TMEM132D: variants seen among roughly 807,000 people sequenced by gnomAD.
The protein encoded by TMEM132D is transmembrane protein 132D, also known as mature OL transmembrane protein.
TMEM132D carries 21 observed loss-of-function variants against 62.3 expected under a neutral mutation model. The observed-to-expected ratio is 0.34, with a 90% CI of 0.24 to 0.49. The LOEUF (loss-of-function observed/expected upper bound fraction) is 0.49. Ranked by LOEUF, TMEM132D falls within the 20% of genes least tolerant of loss-of-function variation. TMEM132D has a pLI of 0.99. For missense variants in TMEM132D, 1,346 were observed against 1,402.8 expected, an observed-to-expected ratio of 0.96 and a Z score of 0.65; for synonymous variants, 621 against 575.6, an observed-to-expected ratio of 1.08 and a Z score of -1.13.
At chr12:129,661,681 A>G (rs1250836611) in intron 2 of TMEM132D, among the ~76,000 whole-genome samples, 1 of 152,226 alleles carries the variant, frequency 6.6e-6, no homozygotes, top group African/African-American at 2.4e-5. Context: ...GTGGTAATAT[A>G]TATCTCCACC....
At chr12:129,185,761 A>ATCTGTCTGTCTGTCTGTCTG (rs11271238) in intron 5 of TMEM132D, among the ~76,000 whole-genome samples, 2,433 of 140,746 alleles carry the variant, frequency 0.017, 32 homozygotes, top group South Asian at 0.024. Flanking sequence ...TTTATCCATC[A>ATCTGTCTGTCTGTCTGTCTG]TCTGTCTGTC....
At chr12:129,651,204 C>G (rs1879919026) in intron 2 of TMEM132D, among the ~76,000 whole-genome samples, 1 of 152,164 alleles carries the variant, frequency 6.6e-6, no homozygotes, top group Non-Finnish European at 1.5e-5. Context: ...TCCAGCAAAG[C>G]ACAACCATGA....
At chr12:129,402,810 G>T (rs900611173) in intron 3 of TMEM132D, among the ~76,000 whole-genome samples, 8 of 152,074 alleles carry the variant, frequency 5.3e-5, no homozygotes, top group Admixed American at 2.0e-4. Context: ...CAATGGAAGA[G>T]CTTGTGTGAG....
chr12:129,152,955 C>T (rs1301623265), intron 5 of TMEM132D, among the ~76,000 whole-genome samples: 2 of 152,132 alleles, frequency 1.3e-5, no homozygotes, highest in African/African-American at 2.4e-5. Flanking sequence ...GAGTCCTTCC[C>T]ATCCCTCCAG....
chr12:129,609,370 A>G (rs1366955748), intron 2 of TMEM132D, among the ~76,000 whole-genome samples: 1 of 152,162 alleles, frequency 6.6e-6, no homozygotes, highest in African/African-American at 2.4e-5. Flanking sequence ...CCCTTCTTAG[A>G]GTAGGACATA....
intron 3 of TMEM132D, among the ~76,000 whole-genome samples, chr12:129,510,741 T>C (rs80354123): frequency 0.11 from 16,783 of 152,180 alleles, 1,247 homozygotes; most frequent in African/African-American, 0.21. Context: ...CTCCCTGTAG[T>C]TGTATTCCAG....
At chr12:129,611,249 C>T (rs566740579) in intron 2 of TMEM132D, among the ~76,000 whole-genome samples, 4 of 152,190 alleles carry the variant, frequency 2.6e-5, no homozygotes, top group African/African-American at 7.2e-5. Context: ...TTTAAGAAAA[C>T]GAAGACATGG....
rs185449742 is a variant in TMEM132D at position 129,239,373 on chromosome 12, C to T, written c.1300-29710G>A. On this transcript the variant is annotated intron_variant, in intron 4 of 8. Coordinates refer to ENST00000422113, the MANE Select transcript of TMEM132D (RefSeq NM_133448.3). ...ACATTTAGGTCTTTAATCTAGGTTG[C>T]GTTAAATTTGTAGATGGTGTAAGGT... 2.0e-3 allele frequency among the ~76,000 whole-genome samples: 310 copies of T among 152,142 alleles called. 1 individual carries two copies. Among genetic ancestry groups the T allele is most frequent in the African/African-American group, 5.9e-3 (243 of 41,518 alleles).
intron 3 of TMEM132D, among the ~76,000 whole-genome samples, chr12:129,396,139 A>G (rs1314325848): frequency 6.7e-6 from 1 of 148,988 alleles, no homozygotes; most frequent in Non-Finnish European, 1.5e-5. Context: ...ACCAAATTCA[A>G]TAAAAAATAG....
chr12:129,274,360 A>G (rs1444797824), intron 4 of TMEM132D, among the ~76,000 whole-genome samples: 1 of 152,230 alleles, frequency 6.6e-6, no homozygotes, highest in African/African-American at 2.4e-5. Flanking sequence ...TGGATAGTGC[A>G]TTAAACTAGC....
intron 1 of TMEM132D, among the ~76,000 whole-genome samples, chr12:129,732,776 C>T (rs988081800): frequency 6.6e-5 from 10 of 152,188 alleles, no homozygotes. Flanking sequence ...AGGCCTAACA[C>T]AAAGATCAAG....
At chr12:129,516,385 T>C (rs905636758) in intron 3 of TMEM132D, among the ~76,000 whole-genome samples, 22 of 152,140 alleles carry the variant, frequency 1.4e-4, no homozygotes, top group African/African-American at 5.3e-4. Flanking sequence ...CAAGACTTGG[T>C]AATTTACAAA....
At chr12:129,418,332 C>T (rs1381954718) in intron 3 of TMEM132D, among the ~76,000 whole-genome samples, 2 of 152,060 alleles carry the variant, frequency 1.3e-5, no homozygotes, top group Admixed American at 1.3e-4. Flanking sequence ...CAATGATAGA[C>T]TGGATAAAAA....
At chr12:129,418,961 G>C (rs1232622860) in intron 3 of TMEM132D, among the ~76,000 whole-genome samples, 1 of 152,134 alleles carries the variant, frequency 6.6e-6, no homozygotes. Context: ...CACAGGCCAA[G>C]GGCTGCCCCA....
At chr12:129,169,107 C>A (rs1877644618) in intron 5 of TMEM132D, among the ~76,000 whole-genome samples, 1 of 152,254 alleles carries the variant, frequency 6.6e-6, no homozygotes, top group Non-Finnish European at 1.5e-5. Context: ...CCAAACCATC[C>A]AAAGAGCTTG....
chr12:129,608,447 G>T (rs1204444966), intron 2 of TMEM132D, among the ~76,000 whole-genome samples: 1 of 152,112 alleles, frequency 6.6e-6, no homozygotes, highest in Non-Finnish European at 1.5e-5. Flanking sequence ...GGGTACCAAG[G>T]CTCTGAGACA....
intron 7 of TMEM132D, among the ~76,000 whole-genome samples, chr12:129,081,172 C>T (rs1002680617): frequency 1.3e-5 from 2 of 152,350 alleles, no homozygotes; most frequent in South Asian, 2.1e-4. Context: ...AAGATGGTAA[C>T]GCCTACCATG....
chr12:129,789,610 G>A (rs1871344361), intron 1 of TMEM132D, among the ~76,000 whole-genome samples: 1 of 152,214 alleles, frequency 6.6e-6, no homozygotes, highest in South Asian at 2.1e-4. Flanking sequence ...TTGCTGATCA[G>A]AGAAGACTGT....
chr12:129,257,674 T>C (rs772902357), intron 4 of TMEM132D, among the ~76,000 whole-genome samples: 37 of 152,146 alleles, frequency 2.4e-4, no homozygotes, highest in Non-Finnish European at 4.1e-4. Context: ...GGGGTGGATC[T>C]GGGGGTGGAT....
Sources: gnomAD v4.1 joint callset for allele counts (sites outside exome capture counted in the v4.1 genomes callset) on GRCh38, gnomAD v4.1.1 for gene constraint, MANE v1.5 for transcripts, NCBI Gene and HGNC (gene_info 2026-07-23, HGNC 2026-07-21) for gene names.